Variants in IQCK observed in about 807,000 individuals in gnomAD.
The protein encoded by IQCK is IQ motif containing K.
IQCK carries 29 observed loss-of-function variants against 28.1 expected under a neutral mutation model. The observed-to-expected ratio is 1.03, with a 90% CI of 0.77 to 1.41. The LOEUF (loss-of-function observed/expected upper bound fraction) is 1.41. Among genes scored for constraint, IQCK ranks in the 40% most tolerant of loss-of-function variants. IQCK has a pLI of 0.00. For synonymous variants in IQCK, 113 were observed against 115.1 expected, an observed-to-expected ratio of 0.98 and a Z score of 0.12; for missense variants, 359 against 314.7, an observed-to-expected ratio of 1.14 and a Z score of -1.07.
intron 6 of IQCK, among the ~76,000 whole-genome samples, chr16:19,771,281 A>G (rs546956511): frequency 2.0e-4 from 31 of 152,232 alleles, no homozygotes; most frequent in Non-Finnish European, 4.6e-4. Context: ...TGGTAGAAAC[A>G]GTGTTTTGGC....
chr16:19,823,691 C>A (rs2056105389), intron 7 of IQCK, among the ~76,000 whole-genome samples: 1 of 152,178 alleles, frequency 6.6e-6, no homozygotes, highest in Non-Finnish European at 1.5e-5. Context: ...AATACCAGCA[C>A]TTTGGGACGC....
At position 19,807,118 on chromosome 16, in the gene IQCK, C is replaced by G. The variant is rs1033187827; in HGVS notation, c.690+18196C>G. Among the ~76,000 whole-genome samples the G allele has an allele frequency of 1.4e-4, 22 of 152,206 alleles. 1 individual carries two copies. ...TGGGATCATTCCCTCTGGAGGATGCCAGCTGGTCTTGATCATCCCTATGGG... is the reference window on the plus strand; with the variant it reads ...TGGGATCATTCCCTCTGGAGGATGCGAGCTGGTCTTGATCATCCCTATGGG... On this transcript the variant is annotated intron_variant, in intron 7 of 7. Transcript: ENST00000564186.
intron 9 of IQCK, among the ~76,000 whole-genome samples, chr16:19,848,842 T>C (rs1794252808): frequency 6.6e-6 from 1 of 152,164 alleles, no homozygotes; most frequent in Non-Finnish European, 1.5e-5. Context: ...AGCAAGCACA[T>C]TGAGGAGGAA....
At chr16:19,763,343 T>C (rs1196267016) in intron 4 of IQCK, among the ~76,000 whole-genome samples, 9 of 152,100 alleles carry the variant, frequency 5.9e-5, no homozygotes, top group Non-Finnish European at 1.0e-4. Flanking sequence ...TCAGGTTTAG[T>C]AGGCTGAGAA....
rs1445253019 is a variant in IQCK at position 19,799,637 on chromosome 16, CACA to C, written c.690+10716_690+10718del. On this transcript the variant is annotated intron_variant, in intron 7 of 7. Coordinates refer to ENST00000564186, the Ensembl canonical transcript of IQCK. ...ACACACACACACACACACACACACACACACCCAGTGAATACATTGAGTCATAAC... is the reference window on the plus strand; with the variant it reads ...ACACACACACACACACACACACACACCCCAGTGAATACATTGAGTCATAAC... 1.5e-3 allele frequency among the ~76,000 whole-genome samples: 211 copies of C among 138,034 alleles called. 24 individuals are homozygous for C. Among genetic ancestry groups the C allele is most frequent in the African/African-American group, 5.4e-3 (159 of 29,666 alleles). The allele number at this position is 138,034 out of a possible 152,430, so 90.6% of individuals were successfully genotyped here. A position where few individuals can be genotyped will look rare whatever the true frequency, so the allele number is the denominator to read the frequency against.
At chr16:19,766,799 G>C (rs1046319051) in intron 6 of IQCK, among the ~76,000 whole-genome samples, 1 of 152,214 alleles carries the variant, frequency 6.6e-6, no homozygotes, top group Non-Finnish European at 1.5e-5. Context: ...ATTTAGTCCA[G>C]TAGTTTCAAA....
intron 4 of IQCK, among the ~76,000 whole-genome samples, chr16:19,757,444 G>A (rs569682076): frequency 2.0e-4 from 30 of 152,264 alleles, no homozygotes; most frequent in Middle Eastern, 3.4e-3. Context: ...AGGCCGAGGC[G>A]GGTAGATCAC....
At chr16:19,758,827 C>T (rs975926483) in intron 4 of IQCK, among the ~76,000 whole-genome samples, 1 of 151,986 alleles carries the variant, frequency 6.6e-6, no homozygotes, top group African/African-American at 2.4e-5. Context: ...TCAGGCACCA[C>T]GATATTTTAT....
At chr16:19,849,807 A>G (rs1270498075) in intron 9 of IQCK, among the ~76,000 whole-genome samples, 1 of 152,056 alleles carries the variant, frequency 6.6e-6, no homozygotes, top group Non-Finnish European at 1.5e-5. Context: ...ATGAAAGAAA[A>G]GAAAGGAAGG....
intron 7 of IQCK, among the ~76,000 whole-genome samples, chr16:19,808,913 A>G (rs1450109889): frequency 1.3e-5 from 2 of 152,206 alleles, no homozygotes; most frequent in East Asian, 3.8e-4. Flanking sequence ...GCTGGAGTGC[A>G]ATGGCGCAAT....
intron 4 of IQCK, among the ~76,000 whole-genome samples, chr16:19,759,631 A>G (rs1243064639): frequency 6.6e-6 from 1 of 152,204 alleles, no homozygotes; most frequent in Non-Finnish European, 1.5e-5. Flanking sequence ...TTACAGTCTC[A>G]GGTGCTATGA....
At chr16:19,746,039 T>C (rs1183012917) in intron 4 of IQCK, among the ~76,000 whole-genome samples, 2 of 151,962 alleles carry the variant, frequency 1.3e-5, no homozygotes, top group African/African-American at 4.8e-5. Flanking sequence ...CCTGGTGGCA[T>C]GTGCCTGTAA....
intron 1 of IQCK, among the ~76,000 whole-genome samples, chr16:19,723,960 C>CA (rs573020918): frequency 0.025 from 2,560 of 104,310 alleles, 42 homozygotes; most frequent in African/African-American, 0.062. Flanking sequence ...ACTCTTGTTT[C>CA]AAAAAAAAAA....
chr16:19,767,206 G>A (rs2055251668), intron 6 of IQCK, among the ~76,000 whole-genome samples: 1 of 152,180 alleles, frequency 6.6e-6, no homozygotes, highest in Admixed American at 6.5e-5. Context: ...GTGGGCATAT[G>A]TTACCAGGTG....
chr16:19,720,877 G>A (rs1977471483), intron 1 of IQCK, among the ~76,000 whole-genome samples: 1 of 152,074 alleles, frequency 6.6e-6, no homozygotes, highest in Non-Finnish European at 1.5e-5. Context: ...ACTAAGTCAG[G>A]CTTGGTGGTG....
chr16:19,781,714 C>T (rs1045718930), intron 6 of IQCK, among the ~76,000 whole-genome samples: 1 of 152,098 alleles, frequency 6.6e-6, no homozygotes, highest in Admixed American at 6.5e-5. Context: ...CTCGGCAGGG[C>T]GTGGTGGCTC....
At position 19,768,619 on chromosome 16, in the gene IQCK, G is replaced by A. The variant is rs181086878; in HGVS notation, c.605+4507G>A. Among the ~76,000 whole-genome samples the A allele has an allele frequency of 2.2e-3, 334 of 152,164 alleles. 2 individuals carry two copies. The highest frequency in any genetic ancestry group is 0.01 in the Middle Eastern group (3 of 292). ...AAATTAGCTGGGCATGGTGGTGTGC[G>A]TCTGTAATCCCAGCTACTCGGAAGG... is the stretch of plus-strand genomic sequence containing the variant. On this transcript the variant is annotated intron_variant, in intron 6 of 7. Transcript: ENST00000564186.
chr16:19,830,114 A>G (rs981104513), downstream of IQCK, among the ~76,000 whole-genome samples: 3 of 152,224 alleles, frequency 2.0e-5, no homozygotes, highest in South Asian at 4.1e-4. Context: ...AGCACATCAA[A>G]TTGGTGATCT....
chr16:19,724,433 A>G lies in IQCK; in HGVS notation c.181+5946A>G, dbSNP rs145076269. Among the ~76,000 whole-genome samples the G allele has an allele frequency of 5.3e-5, 8 of 152,238 alleles. No individual in the cohort carries two copies. In the South Asian group the frequency reaches 6.2e-4, roughly 12 times the overall value. The stretch of plus-strand genomic sequence containing the variant: ...CTCCCACTATAGTATATGCCTGTCA[A>G]ATGTTCGTCTGATTCACTCCCAGCG... On this transcript the variant is annotated intron_variant, in intron 1 of 7. Coordinates refer to ENST00000564186, the Ensembl canonical transcript of IQCK.
Sources: gnomAD v4.1 joint callset for allele counts (sites outside exome capture counted in the v4.1 genomes callset) on GRCh38, gnomAD v4.1.1 for gene constraint, MANE v1.5 for transcripts, NCBI Gene and HGNC (gene_info 2026-07-23, HGNC 2026-07-21) for gene names.